The following SFXN5 variants were observed in gnomAD, a reference collection of about 807,000 sequenced individuals.
SFXN5 encodes sideroflexin 5, also known as sideroflexin-5.
SFXN5 carries 43 observed loss-of-function variants against 50.2 expected under a neutral mutation model. The observed-to-expected ratio is 0.86, with a 90% CI of 0.67 to 1.11. SFXN5 has a LOEUF of 1.11. Ranked by LOEUF, SFXN5 falls within the 50% of genes least tolerant of loss-of-function variation. The probability of loss-of-function intolerance (pLI) is 0.00; values close to 1 mark genes in which losing one functional copy is unlikely to be tolerated. For synonymous variants in SFXN5, 203 were observed against 185.8 expected (o/e 1.09, Z -0.75); for missense variants, 463 against 454.1 (o/e 1.02, Z -0.18).
chr2:72,959,691 C>T (rs1673492162), intron 13 of SFXN5, among the ~76,000 whole-genome samples: 2 of 152,274 alleles, frequency 1.3e-5, no homozygotes, highest in Middle Eastern at 3.4e-3. Context: ...CTGATCCCCT[C>T]GTCTGTGCTC....
At chr2:73,013,043 G>C (rs1010153570) in intron 6 of SFXN5, among the ~76,000 whole-genome samples, 4 of 152,028 alleles carry the variant, frequency 2.6e-5, no homozygotes, top group Non-Finnish European at 4.4e-5. Context: ...AGGAGAAGAA[G>C]TGGAAACAAT....
chr2:73,051,352 G>A lies in SFXN5; in HGVS notation c.171+7176C>T, dbSNP rs1452561224. Among the ~76,000 whole-genome samples, 72 of 143,610 alleles carry A rather than the reference G, an allele frequency of 5.0e-4. No homozygotes were observed. The Admixed American group carries it at 5.3e-3, about 11-fold the overall frequency. 94.2% of individuals were successfully genotyped at this position (143,610 alleles called of 152,430 possible). ...CAGCTCACTGCAACCTCTGCTTCCC[G>A]GGTTCAAGCAATTCTCTGCCTCAGC... On this transcript the variant is annotated intron_variant, in intron 2 of 13. Coordinates refer to ENST00000272433, the MANE Select transcript of SFXN5 (RefSeq NM_144579.3).
intron 9 of SFXN5, chr2:72,998,692 A>T: frequency 1.9e-6 from 1 of 527,606 alleles, no homozygotes. Context: ...CCCACTCAAG[A>T]CAGATGTCCT....
At chr2:73,052,888 C>G (rs1309026121) in intron 2 of SFXN5, among the ~76,000 whole-genome samples, 1 of 152,090 alleles carries the variant, frequency 6.6e-6, no homozygotes, top group African/African-American at 2.4e-5. Flanking sequence ...TTCAAGATTC[C>G]CCCACATGGC....
chr2:72,991,343 T>C (rs940512521), intron 9 of SFXN5, among the ~76,000 whole-genome samples: 2 of 152,232 alleles, frequency 1.3e-5, no homozygotes, highest in Admixed American at 1.3e-4. Flanking sequence ...GGGTGACATA[T>C]AGTGCGGCAC....
chr2:73,000,605 A>G (rs1418031445), intron 7 of SFXN5, 118 bp from the exon 8 acceptor site: 8 of 947,754 alleles, frequency 8.4e-6, no homozygotes, highest in Non-Finnish European at 1.1e-5. Context: ...TCCAGCTCAC[A>G]TGGTGCCGCC....
At chr2:73,053,121 G>A (rs1187306901) in intron 2 of SFXN5, among the ~76,000 whole-genome samples, 2 of 151,422 alleles carry the variant, frequency 1.3e-5, no homozygotes, top group Non-Finnish European at 2.9e-5. Flanking sequence ...AGGCTGCAGT[G>A]AGCCAAGATG....
chr2:72,966,450 G>A (rs531579628), intron 12 of SFXN5, among the ~76,000 whole-genome samples: 3 of 152,302 alleles, frequency 2.0e-5, no homozygotes, highest in East Asian at 3.9e-4. Flanking sequence ...CTACGTATAC[G>A]AGAGTCAGGG....
intron 13 of SFXN5, among the ~76,000 whole-genome samples, chr2:72,948,539 G>T (rs1465248858): frequency 6.6e-6 from 1 of 152,212 alleles, no homozygotes; most frequent in Non-Finnish European, 1.5e-5. Flanking sequence ...TTTCACTGAA[G>T]CACTGAGGCC....
chr2:72,982,720 CAG>C (rs1277480685), intron 10 of SFXN5, among the ~76,000 whole-genome samples: 1 of 152,196 alleles, frequency 6.6e-6, no homozygotes, highest in African/African-American at 2.4e-5. Context: ...GGTGTTTGAG[CAG>C]AGTCACAAAG....
intron 2 of SFXN5, among the ~76,000 whole-genome samples, chr2:73,048,509 C>T (rs1244731099): frequency 6.6e-6 from 1 of 152,180 alleles, no homozygotes; most frequent in Non-Finnish European, 1.5e-5. Flanking sequence ...AGCCACTGTG[C>T]CCGGCCAGTC....
intron 3 of SFXN5, among the ~76,000 whole-genome samples, chr2:73,025,170 T>G (rs560895005): frequency 6.6e-6 from 1 of 151,282 alleles, no homozygotes; most frequent in African/African-American, 2.4e-5. Flanking sequence ...AAAAAAAACA[T>G]AAAAGGCTGA....
At chr2:73,035,394 G>A (rs993894457) in intron 3 of SFXN5, among the ~76,000 whole-genome samples, 10 of 151,568 alleles carry the variant, frequency 6.6e-5, no homozygotes, top group South Asian at 2.1e-4. Flanking sequence ...TCCTTATTAC[G>A]GTTACTAGCT....
At chr2:73,004,591 G>A (rs1040598926) in intron 6 of SFXN5, among the ~76,000 whole-genome samples, 6 of 152,098 alleles carry the variant, frequency 3.9e-5, no homozygotes, top group South Asian at 4.2e-4. Context: ...AGGGACAGCC[G>A]AGACAGCAGA....
At chr2:72,978,011 A>T (rs1038352904) in intron 10 of SFXN5, among the ~76,000 whole-genome samples, 4 of 151,352 alleles carry the variant, frequency 2.6e-5, no homozygotes, top group African/African-American at 9.7e-5. Context: ...AAGGAAAAAA[A>T]AAAAAAAGAA....
rs1672397615 is a variant in SFXN5, at chr2:72,950,331, T to A, written c.946-5232A>T. 6.6e-6 allele frequency among the ~76,000 whole-genome samples: 1 copy of A among 152,130 alleles called. No individual in the cohort carries two copies. The highest frequency in any genetic ancestry group is 1.5e-5 in the Non-Finnish European group (1 of 68,012). On this transcript the variant is annotated intron_variant, in intron 13 of 13. Transcript: ENST00000272433. This position sits in a 1 kb window ranked among gnomAD's most constrained non-coding sequence, Gnocchi z 4.2. ...TTTGGTCTTGGCAACTGGATTTCAG[T>A]GACTGCCTGGGGTCCACATTGTCCG...
At chr2:73,002,414 T>C (rs547813435) in intron 6 of SFXN5, among the ~76,000 whole-genome samples, 3 of 152,336 alleles carry the variant, frequency 2.0e-5, no homozygotes, top group Admixed American at 6.5e-5. Context: ...ACTTCAGGGA[T>C]CCATGTGCAT....
chr2:73,047,281 C>CAA (rs1175880051), intron 2 of SFXN5, among the ~76,000 whole-genome samples: 1 of 58,508 alleles, frequency 1.7e-5, no homozygotes, highest in Non-Finnish European at 3.2e-5. Flanking sequence ...TATATACACA[C>CAA]ATATATATAT....
intron 9 of SFXN5, chr2:72,997,104 C>T (rs898917829): frequency 1.3e-5 from 2 of 152,220 alleles, no homozygotes; most frequent in African/African-American, 2.4e-5. Flanking sequence ...CTTGGTGAGC[C>T]ACCTGAATGT....
Sources: allele counts gnomAD v4.1 joint callset (sites outside exome capture counted in the v4.1 genomes callset), GRCh38; gene constraint gnomAD v4.1.1; non-coding constraint Gnocchi (gnomAD v3.1); transcripts MANE v1.5; gene names NCBI Gene and HGNC (gene_info 2026-07-23, HGNC 2026-07-21).